Variants in CAMTA1 observed in about 807,000 individuals in gnomAD.
The protein encoded by CAMTA1 is calmodulin binding transcription activator 1.
A neutral mutation model predicts 170.9 loss-of-function variants in CAMTA1; 27 were observed. The observed-to-expected ratio is 0.16, with a 90% CI of 0.12 to 0.22. CAMTA1 has a LOEUF of 0.22. Ranked by LOEUF, CAMTA1 falls within the 10% of genes least tolerant of loss-of-function variation. The probability of loss-of-function intolerance (pLI) is 1.00; values close to 1 mark genes in which losing one functional copy is unlikely to be tolerated. For synonymous variants in CAMTA1, 833 were observed against 891.5 expected (o/e 0.93, Z 1.17); for missense variants, 1,619 against 2,217.2 (o/e 0.73, Z 5.42).
In CAMTA1 at chr1:7,044,203, G is replaced by A. The variant is rs1572650819; in HGVS notation, c.235-47101G>A. ...GCATGGCTGGGGCTGCAGAGCAGGC[G>A]CCCCAGTGTCATGGACCCTGTGGCC... On this transcript the variant is annotated intron_variant, in intron 3 of 22. Transcript: ENST00000303635. The surrounding 1 kb of genome is among the most constrained non-coding windows in gnomAD (Gnocchi z 5.0). Among the ~76,000 whole-genome samples, 1 of 152,214 alleles carries A rather than the reference G, an allele frequency of 6.6e-6. No homozygotes were observed. Among genetic ancestry groups the A allele is most frequent in the South Asian group, 2.1e-4 (1 of 4,832 alleles).
intron 2 of CAMTA1, among the ~76,000 whole-genome samples, chr1:6,824,094 C>T (rs1276474992): frequency 6.6e-6 from 1 of 152,148 alleles, no homozygotes; most frequent in Non-Finnish European, 1.5e-5. Context: ...GTTGTTTCAA[C>T]TGTGACTTAC....
chr1:7,087,914 C>T lies in CAMTA1; in HGVS notation c.235-3390C>T, dbSNP rs546869985. ...AGCACCAAATACTTTGTGTGGTTTT[C>T]GTTCTTTAGCGAATCTCCCCAAACG... On this transcript the variant is annotated intron_variant, in intron 3 of 22. Coordinates refer to ENST00000303635, the MANE Select transcript of CAMTA1 (RefSeq NM_015215.4). Among the ~76,000 whole-genome samples, 4 of 152,306 alleles carry T rather than the reference C, an allele frequency of 2.6e-5. No individual in the cohort carries two copies. In the South Asian group the frequency reaches 6.2e-4, roughly 24 times the overall value.
intron 4 of CAMTA1, among the ~76,000 whole-genome samples, chr1:7,201,679 T>C (rs911456715): frequency 2.0e-5 from 3 of 152,238 alleles, no homozygotes; most frequent in Admixed American, 6.5e-5. Flanking sequence ...TTTCCATTTG[T>C]ATTTCTTCCT....
intron 4 of CAMTA1, among the ~76,000 whole-genome samples, chr1:7,156,860 C>T (rs1242796967): frequency 6.6e-6 from 1 of 152,144 alleles, no homozygotes; most frequent in Non-Finnish European, 1.5e-5. Context: ...TCCTCCACTA[C>T]CACCGCCATA....
chr1:7,649,940 C>T (rs2095837676), intron 7 of CAMTA1, among the ~76,000 whole-genome samples: 1 of 152,234 alleles, frequency 6.6e-6, no homozygotes, highest in African/African-American at 2.4e-5. Context: ...TTTTCAGCCT[C>T]TCTTTAAAAA....
At chr1:7,164,430 T>A (rs560248025) in intron 4 of CAMTA1, among the ~76,000 whole-genome samples, 9 of 152,336 alleles carry the variant, frequency 5.9e-5, no homozygotes, top group African/African-American at 1.7e-4. Context: ...AAGCTAGGGG[T>A]TTGATGGGCA....
chr1:7,009,726 G>A (rs138349293), intron 3 of CAMTA1, among the ~76,000 whole-genome samples: 2 of 152,196 alleles, frequency 1.3e-5, no homozygotes, highest in South Asian at 2.1e-4. Context: ...CCAGCTTGAC[G>A]TGCACTGCTG....
chr1:7,419,514 C>T (rs1054752465), intron 5 of CAMTA1, among the ~76,000 whole-genome samples: 5 of 152,202 alleles, frequency 3.3e-5, no homozygotes, highest in African/African-American at 1.2e-4. Context: ...TGGGCCACCT[C>T]TCTGTCTGCA....
At chr1:7,526,390 C>T (rs2094432283) in intron 6 of CAMTA1, among the ~76,000 whole-genome samples, 1 of 152,106 alleles carries the variant, frequency 6.6e-6, no homozygotes. Flanking sequence ...ACACCCCTGC[C>T]CCCCACCCCA....
intron 5 of CAMTA1, among the ~76,000 whole-genome samples, chr1:7,384,245 T>A (rs1006514855): frequency 6.6e-6 from 1 of 152,204 alleles, no homozygotes; most frequent in Non-Finnish European, 1.5e-5. Context: ...TACTTACTGC[T>A]TCTGCCAGAG....
intron 6 of CAMTA1, among the ~76,000 whole-genome samples, chr1:7,578,722 C>G (rs938490818): frequency 1.3e-5 from 2 of 152,212 alleles, no homozygotes; most frequent in Middle Eastern, 6.8e-3. Flanking sequence ...GACAGATGGC[C>G]CCATCTGTGA....
chr1:7,137,394 G>A (rs1436065008), intron 4 of CAMTA1, among the ~76,000 whole-genome samples: 1 of 152,182 alleles, frequency 6.6e-6, no homozygotes, highest in Non-Finnish European at 1.5e-5. Flanking sequence ...ACCCTGCTGG[G>A]TCTGGCTCTT....
chr1:7,295,381 C>T (rs1673784058), intron 5 of CAMTA1, among the ~76,000 whole-genome samples: 1 of 152,166 alleles, frequency 6.6e-6, no homozygotes, highest in African/African-American at 2.4e-5. Flanking sequence ...CACAAGCAGG[C>T]CTTTTCCTCT....
intron 3 of CAMTA1, among the ~76,000 whole-genome samples, chr1:6,994,361 G>T (rs1274716588): frequency 6.6e-6 from 1 of 152,048 alleles, no homozygotes; most frequent in East Asian, 1.9e-4. Context: ...AAGATTTGCT[G>T]GTGGTGAATT....
intron 4 of CAMTA1, among the ~76,000 whole-genome samples, chr1:7,100,993 G>T (rs977237681): frequency 6.6e-6 from 1 of 152,192 alleles, no homozygotes; most frequent in East Asian, 1.9e-4. Flanking sequence ...GCCCGCCCAG[G>T]GTGACCCTTG....
intron 5 of CAMTA1, among the ~76,000 whole-genome samples, chr1:7,398,181 CTCTCTCTCTCTCTATATATATATA>C (rs1391576845): frequency 7.7e-4 from 35 of 45,564 alleles, no homozygotes; most frequent in African/African-American, 2.0e-3. Flanking sequence ...CTCTCTCTCT[CTCTCTCTCTCTCTATATATATATA>C]TATATATATA....
chr1:6,998,675 C>T (rs569574413), intron 3 of CAMTA1, among the ~76,000 whole-genome samples: 145 of 152,360 alleles, frequency 9.5e-4, no homozygotes, highest in Non-Finnish European at 1.4e-3. Context: ...CACTTTTTGT[C>T]TCTTTTGTCC....
chr1:7,540,949 C>T (rs1246106105), intron 6 of CAMTA1, among the ~76,000 whole-genome samples: 1 of 152,192 alleles, frequency 6.6e-6, no homozygotes, highest in Non-Finnish European at 1.5e-5. Context: ...TAGCTAATGG[C>T]ACGTCCCAGC....
chr1:7,276,191 TA>T (rs34532883), intron 5 of CAMTA1, among the ~76,000 whole-genome samples: 1,438 of 126,724 alleles, frequency 0.011, 34 homozygotes, highest in African/African-American at 0.042. Flanking sequence ...CATTCATGAT[TA>T]AAAAAAAAAA....
Sources: gnomAD v4.1 joint callset for allele counts (sites outside exome capture counted in the v4.1 genomes callset) on GRCh38, gnomAD v4.1.1 for gene constraint, Gnocchi (gnomAD v3.1) non-coding constraint, MANE v1.5 for transcripts, NCBI Gene and HGNC (gene_info 2026-07-23, HGNC 2026-07-21) for gene names.